CEP250: variants seen among roughly 807,000 people sequenced by gnomAD.
CEP250 encodes the protein centrosome-associated protein CEP250.
Under a neutral mutation model 315.7 loss-of-function variants are expected in CEP250, and 242 were observed. The observed-to-expected ratio is 0.77, with a 90% CI of 0.69 to 0.85. The LOEUF is 0.85. Ranked by LOEUF, CEP250 falls within the 40% of genes least tolerant of loss-of-function variation. The pLI is 0.00. For missense variants in CEP250, 2,515 were observed against 2,886.4 expected (o/e 0.87, Z 2.95); for synonymous variants, 1,088 against 1,175.0 (o/e 0.93, Z 1.51).
chr20:35,491,114 C>A, intron 21 of CEP250, 98 bp from the exon 22 acceptor site: 1 of 1,443,330 alleles, frequency 6.9e-7, no homozygotes, highest in South Asian at 1.3e-5. Flanking sequence ...TTCCCATTTG[C>A]TAGGAGAGCC....
intron 24 of CEP250, 55 bp downstream of exon 24, chr20:35,494,712 T>C: frequency 6.2e-7 from 1 of 1,602,814 alleles, no homozygotes. Context: ...CCATGGTCAC[T>C]GTGATATTGA....
In CEP250 at chr20:35,480,108, C is replaced by T. The variant is rs777598399; in HGVS notation, c.2549C>T (p.Ala850Val). 10 of 1,612,278 alleles carry T rather than the reference C, an allele frequency of 6.2e-6. No homozygotes were observed. Among genetic ancestry groups the T allele is most frequent in the Middle Eastern group, 2.1e-4 (1 of 4,758 alleles). ...GKTALEQQKAAHEKEVNQLRE... is the reference protein window; with the variant it reads ...GKTALEQQKAVHEKEVNQLRE... Reference sequence around the variant, plus strand: ...ACTGCCTTGGAGCAGCAGAAGGCAGCCCATGAGAAAGAGGTGAACCAGCTC... The same window carrying T: ...ACTGCCTTGGAGCAGCAGAAGGCAGTCCATGAGAAAGAGGTGAACCAGCTC... Residue 850 changes from alanine to valine, a missense_variant, in exon 20 of 35, where the codon GCC becomes GTC. Physicochemically the swap from Ala to Val is moderately conservative, Grantham distance 64. Transcript: ENST00000397527.
At chr20:35,483,337 T>TA (rs1381045606) in intron 20 of CEP250, among the ~76,000 whole-genome samples, 2 of 146,678 alleles carry the variant, frequency 1.4e-5, no homozygotes. Flanking sequence ...AAAAAAAAAT[T>TA]TTTTTTTTTA....
Position 35,494,612 on chromosome 20 carries a change from A to G in CEP250, c.3122A>G (p.Gln1041Arg). Residue 1041 changes from glutamine (Q) to arginine (R), a missense_variant, in exon 24 of 35, where the codon CAG (glutamine) becomes CGG (arginine). Physicochemically the swap from Gln to Arg is conservative, Grantham distance 43. Coordinates refer to ENST00000397527, the MANE Select transcript of CEP250 (RefSeq NM_007186.6). Reference sequence around the variant, plus strand: ...GTTCAGGAGAAGCTGAGAGAGACCCAGGAGTATAACCGAATTCAGAAGGAG... The same window carrying G: ...GTTCAGGAGAAGCTGAGAGAGACCCGGGAGTATAACCGAATTCAGAAGGAG... The part of the protein sequence containing the change: ...QEVQEKLRET[Q>R]EYNRIQKELE... 6.2e-7 allele frequency: 1 copy of G among 1,614,176 alleles called. No homozygotes were observed. The highest frequency in any genetic ancestry group is 8.5e-7 in the Non-Finnish European group (1 of 1,180,018).
At chr20:35,457,267 G>A (rs1434387481) in intron 1 of CEP250, among the ~76,000 whole-genome samples, 1 of 152,180 alleles carries the variant, frequency 6.6e-6, no homozygotes, top group Non-Finnish European at 1.5e-5. Context: ...TTTTGCACTT[G>A]TGGAATTTGC....
At chr20:35,474,168 G>A (rs2063106304) in intron 14 of CEP250, 116 bp downstream of exon 14, 3 of 843,056 alleles carry the variant, frequency 3.6e-6, no homozygotes, top group Admixed American at 3.6e-5. Flanking sequence ...CATGCAGTGG[G>A]TTCAGATTAG....
intron 10 of CEP250, among the ~76,000 whole-genome samples, chr20:35,471,526 A>G (rs1471076508): frequency 6.6e-6 from 1 of 152,222 alleles, no homozygotes; most frequent in Non-Finnish European, 1.5e-5. Flanking sequence ...CACTAACACA[A>G]ATAGGAAGGA....
In CEP250 at chr20:35,511,503, T is replaced by C. The variant is rs200947874; in HGVS notation, c.7206T>C (p.Pro2402=). ...CACTTCTTGCCGTGGCCCAGGCCCC[T>C]GAGGCCACTGTCCTGGAGGCAGAGA... is the stretch of plus-strand genomic sequence containing the variant. ...SHSLLAVAQA[P]EATVLEAETR... is the part of the protein sequence containing the mutation. The change falls in exon 35 of 35, where the codon CCT becomes CCC. Residue 2402 remains proline, a synonymous_variant. Coordinates refer to ENST00000397527, the MANE Select transcript of CEP250 (RefSeq NM_007186.6). 13 of 1,614,154 alleles carry C rather than the reference T, an allele frequency of 8.1e-6. No individual in the cohort carries two copies. The Middle Eastern group carries it at 9.9e-4, about 123-fold the overall frequency.
At chr20:35,505,944 C>T (rs535813798) in intron 30 of CEP250, among the ~76,000 whole-genome samples, 1 of 152,248 alleles carries the variant, frequency 6.6e-6, no homozygotes, top group African/African-American at 2.4e-5. Context: ...ACAAAGATTG[C>T]TCAGGCTGCC....
chr20:35,502,881 T>A lies in CEP250; in HGVS notation c.4512T>A (p.Thr1504=). 1 of 1,614,198 alleles carries A rather than the reference T, an allele frequency of 6.2e-7. No homozygotes were observed. Among genetic ancestry groups the A allele is most frequent in the Non-Finnish European group, 8.5e-7 (1 of 1,180,032 alleles). Reference sequence around the variant, plus strand: ...TCCAGGAGCGAGAGCAGAAGCTGACTGTGCAGAGGGAGCAGATCAGAGAGC... The same window carrying A: ...TCCAGGAGCGAGAGCAGAAGCTGACAGTGCAGAGGGAGCAGATCAGAGAGC... ...MAVQEREQKL[T]VQREQIRELE... The change falls in exon 30 of 35, where the codon ACT becomes ACA. Residue 1504 remains threonine, a synonymous_variant. Transcript: ENST00000397527.
intron 34 of CEP250, 125 bp downstream of exon 34, chr20:35,510,179 G>T (rs1024407125): frequency 8.0e-5 from 65 of 815,378 alleles, no homozygotes; most frequent in Non-Finnish European, 1.0e-5. Flanking sequence ...GGCAAAAATA[G>T]TCCCAGTCCC....
intron 7 of CEP250, 23 bp downstream of exon 7, chr20:35,466,227 C>A (rs1236452551): frequency 3.2e-6 from 5 of 1,560,998 alleles, no homozygotes; most frequent in East Asian, 2.4e-5. Flanking sequence ...GGGACTGGAA[C>A]TGTGAGAGGA....
chr20:35,504,627 G>C lies in CEP250; in HGVS notation c.6258G>C (p.Glu2086Asp). 1.2e-6 allele frequency: 2 copies of C among 1,614,152 alleles called. No homozygotes were observed. Among genetic ancestry groups the C allele is most frequent in the Non-Finnish European group, 1.7e-6 (2 of 1,180,028 alleles). Residue 2086 changes from glutamate to aspartate, a missense_variant, in exon 30 of 35, where the codon GAG becomes GAC. Transcript: ENST00000397527. ...EKQNLGQERE[E>D]EEIRGLHQSV... The stretch of plus-strand genomic sequence containing the variant: ...AGAATCTGGGGCAAGAGAGAGAAGA[G>C]GAGGAGATAAGGGGCCTTCATCAGA...
intron 20 of CEP250, 102 bp downstream of exon 20, chr20:35,480,247 C>T: frequency 7.9e-7 from 1 of 1,262,580 alleles, no homozygotes; most frequent in Non-Finnish European, 1.1e-6. Context: ...AATTTTGTAA[C>T]CAAGCTGTAA....
chr20:35,480,084 C>G lies in CEP250; in HGVS notation c.2525C>G (p.Thr842Ser). Residue 842 changes from threonine to serine, a missense_variant, in exon 20 of 35, where the codon ACT (threonine) becomes AGT (serine). Thr to Ser is a moderately conservative substitution (Grantham distance 58). Coordinates refer to ENST00000397527, the MANE Select transcript of CEP250 (RefSeq NM_007186.6). Reference sequence around the variant, plus strand: ...GCCCAGGCTGAGCAAGAAGGGAAGACTGCCTTGGAGCAGCAGAAGGCAGCC... The same window carrying G: ...GCCCAGGCTGAGCAAGAAGGGAAGAGTGCCTTGGAGCAGCAGAAGGCAGCC... ...QLAQAEQEGK[T>S]ALEQQKAAHE... is the part of the protein sequence containing the mutation. The G allele has an allele frequency of 6.2e-7, 1 of 1,612,894 alleles. No individual in the cohort carries two copies. The highest frequency in any genetic ancestry group is 8.5e-7 in the Non-Finnish European group (1 of 1,180,036).
In CEP250 at chr20:35,508,121, G is replaced by A; in HGVS notation, c.6837G>A (p.Val2279=). Residue 2279 remains valine, a synonymous_variant, in exon 32 of 35, where the codon GTG becomes GTA. Transcript: ENST00000397527. ...RQRLEHLQQA[V]ARLEIDRSRL... ...GGCTTGAACACCTGCAGCAAGCAGT[G>A]GCCCGGCTGGAGATTGACAGGAGCA... 1 of 1,614,130 alleles carries A rather than the reference G, an allele frequency of 6.2e-7. No homozygotes were observed. Among genetic ancestry groups the A allele is most frequent in the Non-Finnish European group, 8.5e-7 (1 of 1,180,002 alleles).
At chr20:35,455,402 C>T (rs992212316), upstream of CEP250, 3 of 152,306 alleles carry the variant, frequency 2.0e-5, no homozygotes, top group Non-Finnish European at 4.4e-5. Context: ...GTCGTTAGGG[C>T]CCGGGGCCCG....
rs1356616398 is a variant in CEP250, at chr20:35,460,009, A to T, written c.-200A>T. ...TAGAGTTGTTGGCAGAAATCCTGGG[A>T]TAAGAGAATAGTTTCCTGGAAGATC... On this transcript the variant is annotated 5_prime_UTR_variant, in exon 3 of 35. Transcript: ENST00000397527. 1 of 152,134 alleles carries T rather than the reference A, an allele frequency of 6.6e-6. No homozygotes were observed. Among genetic ancestry groups the T allele is most frequent in the African/African-American group, 2.4e-5 (1 of 41,408 alleles). 9.4% of individuals were successfully genotyped at this position (152,134 alleles called of 1,614,324 possible).
chr20:35,490,899 G>A, intron 21 of CEP250, 95 bp downstream of exon 21: 2 of 1,441,360 alleles, frequency 1.4e-6, no homozygotes, highest in South Asian at 1.3e-5. Context: ...TGCTGCAGAG[G>A]GGCTTCCAGA....
Sources: allele counts gnomAD v4.1 joint callset (sites outside exome capture counted in the v4.1 genomes callset), GRCh38; gene constraint gnomAD v4.1.1; transcripts MANE v1.5; gene names NCBI Gene and HGNC (gene_info 2026-07-23, HGNC 2026-07-21).